ARL15: variants seen among roughly 807,000 people sequenced by gnomAD.
The protein encoded by ARL15 is ADP-ribosylation factor-like protein 15.
In ARL15, 19 loss-of-function variants were observed where a neutral mutation model predicts 25.2. The observed-to-expected ratio is 0.75, with a 90% CI of 0.53 to 1.10. The LOEUF (loss-of-function observed/expected upper bound fraction) is 1.10, where lower values mean the gene tolerates loss of function less well. Ranked by LOEUF, ARL15 falls within the 50% of genes least tolerant of loss-of-function variation. The pLI, the probability that ARL15 is intolerant of heterozygous loss-of-function variation, is 0.00. For synonymous variants in ARL15, 94 were observed against 86.8 expected (o/e 1.08, Z -0.46); for missense variants, 220 against 246.0 (o/e 0.89, Z 0.71).
chr5:54,047,963 T>C (rs886461335), intron 4 of ARL15: 2 of 152,232 alleles, frequency 1.3e-5, no homozygotes, highest in African/African-American at 4.8e-5. Flanking sequence ...TTAGGAAAGA[T>C]GATTTCAGTT....
chr5:53,972,468 C>G (rs1209563657), intron 4 of ARL15, among the ~76,000 whole-genome samples: 1 of 152,072 alleles, frequency 6.6e-6, no homozygotes, highest in Non-Finnish European at 1.5e-5. Context: ...ACCTTATTAC[C>G]TTGAACAAGT....
intron 4 of ARL15, among the ~76,000 whole-genome samples, chr5:54,052,095 C>A (rs10074251): frequency 0.057 from 8,599 of 152,026 alleles, 687 homozygotes; most frequent in African/African-American, 0.18. Flanking sequence ...AAAAATATAG[C>A]AGTCAAGGTC....
chr5:54,063,306 G>A (rs1051393896), intron 4 of ARL15, among the ~76,000 whole-genome samples: 3 of 152,178 alleles, frequency 2.0e-5, no homozygotes, highest in Non-Finnish European at 4.4e-5. Context: ...TCTGCAGTTG[G>A]TTTTCACTGT....
intron 1 of ARL15, among the ~76,000 whole-genome samples, chr5:54,305,298 G>C (rs561733355): frequency 3.9e-5 from 6 of 152,144 alleles, no homozygotes; most frequent in Admixed American, 2.6e-4. Context: ...TCAGGAGTTT[G>C]AGACCAGCCT....
chr5:54,113,469 T>C, intron 3 of ARL15, 59 bp from the exon 4 acceptor site: 2 of 1,511,878 alleles, frequency 1.3e-6, no homozygotes, highest in Non-Finnish European at 1.8e-6. Flanking sequence ...TGAAAAATGT[T>C]CCCAACAGTA....
chr5:54,078,906 C>T (rs539405861), intron 4 of ARL15, among the ~76,000 whole-genome samples: 28 of 152,000 alleles, frequency 1.8e-4, no homozygotes, highest in African/African-American at 6.0e-4. Flanking sequence ...AGTAAAGTAT[C>T]GCTTAACTAA....
At chr5:53,902,963 C>T (rs1356033666) in intron 4 of ARL15, among the ~76,000 whole-genome samples, 1 of 152,104 alleles carries the variant, frequency 6.6e-6, no homozygotes, top group African/African-American at 2.4e-5. Flanking sequence ...AACCAGGTGC[C>T]ATGTCAGTCA....
intron 4 of ARL15, among the ~76,000 whole-genome samples, chr5:54,098,628 C>T (rs1752353725): frequency 1.3e-5 from 2 of 152,292 alleles, no homozygotes; most frequent in East Asian, 1.9e-4. Context: ...AAAGCACACC[C>T]TCGTTTTTGT....
chr5:54,157,277 T>C (rs1754265055), intron 2 of ARL15, among the ~76,000 whole-genome samples: 1 of 152,242 alleles, frequency 6.6e-6, no homozygotes, highest in Non-Finnish European at 1.5e-5. Flanking sequence ...AAAATACAAC[T>C]TTTGAAATTT....
intron 4 of ARL15, among the ~76,000 whole-genome samples, chr5:53,968,119 C>T (rs992446094): frequency 6.6e-6 from 1 of 152,108 alleles, no homozygotes; most frequent in Non-Finnish European, 1.5e-5. Flanking sequence ...TGACATTAGA[C>T]TTCTGGTTTC....
chr5:54,141,902 C>A (rs1008629928), intron 3 of ARL15, among the ~76,000 whole-genome samples: 6 of 152,136 alleles, frequency 3.9e-5, no homozygotes, highest in African/African-American at 1.4e-4. Context: ...ATCAATAGTT[C>A]ATTCACTTTG....
intron 4 of ARL15, among the ~76,000 whole-genome samples, chr5:54,083,723 G>A (rs1177399873): frequency 1.3e-5 from 2 of 152,120 alleles, no homozygotes; most frequent in African/African-American, 2.4e-5. Context: ...ACTTCCTAAA[G>A]TAAATCGATA....
chr5:54,273,655 C>G (rs1335701506), intron 1 of ARL15, among the ~76,000 whole-genome samples: 1 of 152,174 alleles, frequency 6.6e-6, no homozygotes, highest in Non-Finnish European at 1.5e-5. Flanking sequence ...ATGCCATGTC[C>G]TGGTCTCCTC....
intron 4 of ARL15, among the ~76,000 whole-genome samples, chr5:54,102,706 T>C (rs752298993): frequency 4.6e-5 from 7 of 152,198 alleles, no homozygotes; most frequent in Non-Finnish European, 1.0e-4. Context: ...CATTGCATTA[T>C]TTCTTTGTTC....
rs377453621 is a variant in ARL15, at chr5:53,892,716, C to T, written c.463-6003G>A. On this transcript the variant is annotated intron_variant, in intron 4 of 4. Transcript: ENST00000504924. Reference sequence around the variant, plus strand: ...CTCCTGGGCTCAAGCAATCCTCCCACCTCAGCCTCCTAAGTAGCTGGGACT... The same window carrying T: ...CTCCTGGGCTCAAGCAATCCTCCCATCTCAGCCTCCTAAGTAGCTGGGACT... 4.6e-5 allele frequency among the ~76,000 whole-genome samples: 7 copies of T among 152,024 alleles called. No homozygotes were observed. The East Asian group carries it at 9.6e-4, about 21-fold the overall frequency.
intron 3 of ARL15, among the ~76,000 whole-genome samples, chr5:54,118,126 C>T (rs1166503023): frequency 6.6e-6 from 1 of 152,116 alleles, no homozygotes; most frequent in Non-Finnish European, 1.5e-5. Flanking sequence ...AAAAAGTTCC[C>T]TGATAAGTTT....
intron 4 of ARL15, among the ~76,000 whole-genome samples, chr5:53,970,528 C>T (rs973529546): frequency 2.6e-5 from 4 of 152,074 alleles, no homozygotes; most frequent in Admixed American, 6.5e-5. Context: ...GAGAGAACTC[C>T]GTTTTTATTT....
At chr5:54,308,068 T>C (rs1758807097) in intron 1 of ARL15, 1 of 152,172 alleles carries the variant, frequency 6.6e-6, no homozygotes, top group African/African-American at 2.4e-5. Flanking sequence ...AGAGTATGCA[T>C]AAGCAAGCAA....
chr5:54,128,833 G>A (rs1753346323), intron 3 of ARL15, among the ~76,000 whole-genome samples: 1 of 151,164 alleles, frequency 6.6e-6, no homozygotes, highest in East Asian at 2.0e-4. Flanking sequence ...AGCCTCCCGA[G>A]TAGCTGGGAC....
Sources: allele counts gnomAD v4.1 joint callset (sites outside exome capture counted in the v4.1 genomes callset), GRCh38; gene constraint gnomAD v4.1.1; transcripts MANE v1.5; gene names NCBI Gene and HGNC (gene_info 2026-07-23, HGNC 2026-07-21).